The following KLHL4 variants were observed in gnomAD, a reference collection of about 807,000 sequenced individuals.
KLHL4 encodes kelch like family member 4, also known as kelch-like protein 4.
Under a neutral mutation model 45.8 loss-of-function variants are expected in KLHL4, and 17 were observed. The ratio of observed to expected loss-of-function variants is 0.37; its 90% CI spans 0.25 to 0.56. KLHL4 has a LOEUF of 0.56. Ranked by LOEUF, KLHL4 falls within the 20% of genes least tolerant of loss-of-function variation. KLHL4 has a pLI of 0.79. For missense variants in KLHL4, 544 were observed against 544.9 expected, an observed-to-expected ratio of 1.00 and a Z score of 0.02; for synonymous variants, 224 against 189.9, an observed-to-expected ratio of 1.18 and a Z score of -1.47.
intron 1 of KLHL4, among the ~76,000 whole-genome samples, chrX:87,524,267 CA>C (rs1360659605): frequency 6.7e-4 from 75 of 111,134 alleles, no homozygotes; most frequent in African/African-American, 2.4e-3. Context: ...ACATTCTCAC[CA>C]AAAAATAAAA....
At chrX:87,595,020 T>TC (rs768435561) in intron 1 of KLHL4, among the ~76,000 whole-genome samples, 817 of 66,130 alleles carry the variant, frequency 0.012, 8 homozygotes, top group African/African-American at 0.043. Flanking sequence ...CCCTTCTCTC[T>TC]TTTTTTTTTT....
chrX:87,616,054 A>G (rs971451683), intron 3 of KLHL4, among the ~76,000 whole-genome samples: 1 of 111,629 alleles, frequency 9.0e-6, no homozygotes, highest in Admixed American at 9.6e-5. Flanking sequence ...GTAGCATAGT[A>G]TACTTTGGGA....
At chrX:87,627,278 A>G (rs1176951927) in intron 6 of KLHL4, among the ~76,000 whole-genome samples, 1 of 111,200 alleles carries the variant, frequency 9.0e-6, no homozygotes, top group Non-Finnish European at 1.9e-5. Flanking sequence ...GAAAGAAAAC[A>G]TTCCAAGGAT....
At chrX:87,574,047 A>T (rs1921015403) in intron 1 of KLHL4, among the ~76,000 whole-genome samples, 1 of 111,891 alleles carries the variant, frequency 8.9e-6, no homozygotes, top group Admixed American at 9.5e-5. Context: ...CTTAAAGCCA[A>T]GTCTATTCAA....
intron 9 of KLHL4, among the ~76,000 whole-genome samples, chrX:87,638,010 T>A (rs1923324331): frequency 9.0e-6 from 1 of 111,358 alleles, no homozygotes; most frequent in African/African-American, 3.3e-5. Flanking sequence ...AATTACAACT[T>A]CTGGAAGTGA....
chrX:87,648,210 A>G (rs1447881631), intron 9 of KLHL4, among the ~76,000 whole-genome samples: 1 of 111,433 alleles, frequency 9.0e-6, no homozygotes, highest in Non-Finnish European at 1.9e-5. Context: ...GTTAAATAAT[A>G]TTAACCTAAG....
intron 1 of KLHL4, among the ~76,000 whole-genome samples, chrX:87,586,664 C>T (rs1406507069): frequency 9.0e-6 from 1 of 110,508 alleles, no homozygotes; most frequent in Non-Finnish European, 1.9e-5. Flanking sequence ...TAAGTGCTTA[C>T]ATCAAAAAGA....
rs770378957 is a variant in KLHL4 at position 87,661,514 on chromosome X, G to A, written c.1926-3250G>A. Among the ~76,000 whole-genome samples the A allele has an allele frequency of 6.3e-5, 7 of 111,023 alleles. No individual in the cohort carries two copies. The East Asian group carries it at 2.0e-3, about 31-fold the overall frequency. ...GCTGCATATTCTAGCACCATAGAGT[G>A]TTGACAGCAGAACAAGCCTTATTAT... On this transcript the variant is annotated intron_variant, in intron 9 of 10. Coordinates refer to ENST00000373119, the MANE Select transcript of KLHL4 (RefSeq NM_019117.5).
intron 9 of KLHL4, among the ~76,000 whole-genome samples, chrX:87,656,037 G>T (rs964753069): frequency 5.4e-5 from 6 of 111,465 alleles, no homozygotes; most frequent in Non-Finnish European, 1.9e-5. Context: ...TGCTTGTAAG[G>T]CTTCTGCTGA....
chrX:87,561,932 C>T (rs1438973771), intron 1 of KLHL4, among the ~76,000 whole-genome samples: 1 of 109,808 alleles, frequency 9.1e-6, no homozygotes, highest in Non-Finnish European at 1.9e-5. Flanking sequence ...GGGAAGGACC[C>T]AGTCCTGGCA....
At chrX:87,645,999 A>G (rs113028950) in intron 9 of KLHL4, among the ~76,000 whole-genome samples, 1,608 of 111,033 alleles carry the variant, frequency 0.014, 34 homozygotes, top group African/African-American at 0.05. Context: ...AATCACCACT[A>G]AAGAACTTAC....
intron 4 of KLHL4, among the ~76,000 whole-genome samples, chrX:87,619,646 T>C (rs1195459121): frequency 8.9e-6 from 1 of 112,028 alleles, no homozygotes; most frequent in Non-Finnish European, 1.9e-5. Flanking sequence ...TGTTTAGTAT[T>C]ACACACTTGC....
At chrX:87,585,820 A>T (rs752976747) in intron 1 of KLHL4, among the ~76,000 whole-genome samples, 107 of 111,146 alleles carry the variant, frequency 9.6e-4, no homozygotes, top group African/African-American at 3.5e-3. Flanking sequence ...CAATCAAAAG[A>T]CATAGACTGG....
At chrX:87,601,027 T>C (rs1407171412) in intron 1 of KLHL4, among the ~76,000 whole-genome samples, 1 of 111,603 alleles carries the variant, frequency 9.0e-6, no homozygotes, top group Non-Finnish European at 1.9e-5. Flanking sequence ...TACTAGGGAA[T>C]GTATCCAAGT....
intron 1 of KLHL4, among the ~76,000 whole-genome samples, chrX:87,584,770 G>T (rs1202974633): frequency 9.3e-6 from 1 of 107,893 alleles, no homozygotes; most frequent in Non-Finnish European, 1.9e-5. Flanking sequence ...GCCTTAAAGA[G>T]AAGGTAGGGA....
chrX:87,653,913 A>T (rs1227349661), intron 9 of KLHL4, among the ~76,000 whole-genome samples: 1 of 111,169 alleles, frequency 9.0e-6, no homozygotes, highest in Non-Finnish European at 1.9e-5. Context: ...CTCACTTATA[A>T]GTGGGAGCTG....
chrX:87,636,296 C>T (rs1923261221), intron 9 of KLHL4, among the ~76,000 whole-genome samples: 1 of 112,070 alleles, frequency 8.9e-6, no homozygotes, highest in South Asian at 3.7e-4. Context: ...CTACATCACT[C>T]AACCAATTCA....
At chrX:87,568,649 A>AT (rs760850575) in intron 1 of KLHL4, among the ~76,000 whole-genome samples, 2 of 110,931 alleles carry the variant, frequency 1.8e-5, no homozygotes, top group Non-Finnish European at 3.8e-5. Flanking sequence ...AAGGATAGAC[A>AT]TATAGACCAA....
intron 4 of KLHL4, among the ~76,000 whole-genome samples, chrX:87,620,577 G>A (rs906014225): frequency 1.8e-5 from 2 of 111,914 alleles, no homozygotes; most frequent in African/African-American, 6.5e-5. Flanking sequence ...TAATATTAAT[G>A]CAGTTTCAGA....
Sources: allele counts gnomAD v4.1 joint callset (sites outside exome capture counted in the v4.1 genomes callset), GRCh38; gene constraint gnomAD v4.1.1; transcripts MANE v1.5; gene names NCBI Gene and HGNC (gene_info 2026-07-23, HGNC 2026-07-21).